Variants in OR8K1 observed in about 807,000 individuals in gnomAD.
OR8K1 encodes the protein olfactory receptor family 8 subfamily K member 1.
For synonymous variants in OR8K1, 157 were observed against 139.4 expected (o/e 1.13, Z -0.89); for missense variants, 417 against 374.0 (o/e 1.11, Z -0.95).
chr11:56,346,508 A>G lies in OR8K1; in HGVS notation c.470A>G (p.Tyr157Cys), dbSNP rs1221152577. 2 of 1,614,096 alleles carry G rather than the reference A, an allele frequency of 1.2e-6. No individual in the cohort carries two copies. The highest frequency in any genetic ancestry group is 2.2e-5 in the East Asian group (1 of 44,882). ...LWVLVIVPYL[Y>C]STFVSLFLTI... is the part of the protein sequence containing the mutation. ...GTGCTGGTAATTGTTCCCTATCTCT[A>G]TAGCACGTTTGTGTCACTATTTCTC... Residue 157 changes from tyrosine (Y) to cysteine (C), a missense_variant, in exon 1 of 1, where the codon TAT becomes TGT. By Grantham distance (194) the Tyr-to-Cys change is radical. Transcript: ENST00000279783.
In OR8K1 at chr11:56,346,916, C is replaced by T. The variant is rs779729785; in HGVS notation, c.878C>T (p.Pro293Leu). 13 of 1,612,868 alleles carry T rather than the reference C, an allele frequency of 8.1e-6. No homozygotes were observed. The South Asian group carries it at 1.3e-4, about 16-fold the overall frequency. Reference protein sequence around the residue: ...FYTLLIPMLNPLIYSLRNKEV... With the variant: ...FYTLLIPMLNLLIYSLRNKEV... ...ACCCTGTTGATTCCTATGCTGAATCCGTTGATCTACAGCCTAAGGAACAAA... is the reference window on the plus strand; with the variant it reads ...ACCCTGTTGATTCCTATGCTGAATCTGTTGATCTACAGCCTAAGGAACAAA... The change falls in exon 1 of 1, where the codon CCG becomes CTG. Residue 293 changes from proline to leucine, a missense_variant. By Grantham distance (98) the Pro-to-Leu change is moderately conservative. Coordinates refer to ENST00000279783, the MANE Select transcript of OR8K1 (RefSeq NM_001002907.1).
Position 56,346,444 on chromosome 11 carries a change from C to G in OR8K1, c.406C>G (p.Leu136Val), listed in dbSNP as rs1478482061. ...TCGCTACGTAGCCATCTGTAAACCT[C>G]TTCTGTACGTGATCATCATGGCAGA... ...YDRYVAICKP[L>V]LYVIIMAEKV... The change falls in exon 1 of 1, where the codon CTT becomes GTT. Residue 136 changes from leucine (L) to valine (V), a missense_variant. Coordinates refer to ENST00000279783, the MANE Select transcript of OR8K1 (RefSeq NM_001002907.1). The G allele has an allele frequency of 3.7e-6, 6 of 1,613,956 alleles. No homozygotes were observed. The South Asian group carries it at 4.4e-5, about 12-fold the overall frequency.
chr11:56,346,157 T>C lies in OR8K1; in HGVS notation c.119T>C (p.Ile40Thr), dbSNP rs1469456656. 18 of 1,613,976 alleles carry C rather than the reference T, an allele frequency of 1.1e-5. No homozygotes were observed. The highest frequency in any genetic ancestry group is 1.4e-5 in the Non-Finnish European group (16 of 1,180,006). ...QAPLFGLFLI[I>T]YLVTVIGNLG... is the part of the protein sequence containing the mutation. The stretch of plus-strand genomic sequence containing the variant: ...CCACTGTTTGGACTCTTCCTCATCA[T>C]ATATCTGGTCACAGTGATAGGCAAT... Residue 40 changes from isoleucine to threonine, a missense_variant, in exon 1 of 1, where the codon ATA becomes ACA. Transcript: ENST00000279783.
rs776005776 is a variant in OR8K1, at chr11:56,346,867, G to C, written c.829G>C (p.Asp277His). 7.4e-6 allele frequency: 12 copies of C among 1,613,890 alleles called. No homozygotes were observed. In the Admixed American group the frequency reaches 1.0e-4, roughly 13 times the overall value. The change falls in exon 1 of 1, where the codon GAT becomes CAT. Residue 277 changes from aspartate to histidine, a missense_variant. Coordinates refer to ENST00000279783, the MANE Select transcript of OR8K1 (RefSeq NM_001002907.1). ...QPKSSHTLAI[D>H]KMASVFYTLL... is the part of the protein sequence containing the mutation. ...CAAGTCCAGTCATACTTTGGCTATT[G>C]ATAAAATGGCCTCAGTGTTTTATAC...
In OR8K1 at chr11:56,346,511, G is replaced by A. The variant is rs1245315466; in HGVS notation, c.473G>A (p.Ser158Asn). Reference protein sequence around the residue: ...WVLVIVPYLYSTFVSLFLTIK... With the variant: ...WVLVIVPYLYNTFVSLFLTIK... Reference sequence around the variant, plus strand: ...CTGGTAATTGTTCCCTATCTCTATAGCACGTTTGTGTCACTATTTCTCACA... The same window carrying A: ...CTGGTAATTGTTCCCTATCTCTATAACACGTTTGTGTCACTATTTCTCACA... Residue 158 changes from serine (S) to asparagine (N), a missense_variant, in exon 1 of 1, where the codon AGC (serine) becomes AAC (asparagine). By Grantham distance (46) the Ser-to-Asn change is conservative (BLOSUM62 1). Transcript: ENST00000279783. 2 of 1,614,012 alleles carry A rather than the reference G, an allele frequency of 1.2e-6. No individual in the cohort carries two copies. The highest frequency in any genetic ancestry group is 2.2e-5 in the South Asian group (2 of 91,076).
chr11:56,346,489 G>A lies in OR8K1; in HGVS notation c.451G>A (p.Val151Ile), dbSNP rs1342184792. 6.2e-7 allele frequency: 1 copy of A among 1,613,980 alleles called. No individual in the cohort carries two copies. The highest frequency in any genetic ancestry group is 1.7e-5 in the Admixed American group (1 of 59,994). ...IMAEKVLWVL[V>I]IVPYLYSTFV... ...GGCAGAGAAAGTACTTTGGGTGCTG[G>A]TAATTGTTCCCTATCTCTATAGCAC... Residue 151 changes from valine to isoleucine, a missense_variant, in exon 1 of 1, where the codon GTA (valine) becomes ATA (isoleucine). By Grantham distance (29) the Val-to-Ile change is conservative. Transcript: ENST00000279783.
Position 56,346,895 on chromosome 11 carries a change from T to C in OR8K1, c.857T>C (p.Leu286Pro), listed in dbSNP as rs1390454166. 1 of 1,613,946 alleles carries C rather than the reference T, an allele frequency of 6.2e-7. No individual in the cohort carries two copies. The highest frequency in any genetic ancestry group is 8.5e-7 in the Non-Finnish European group (1 of 1,179,906). ...IDKMASVFYT[L>P]LIPMLNPLIY... is the part of the protein sequence containing the mutation. ...AAAATGGCCTCAGTGTTTTATACCC[T>C]GTTGATTCCTATGCTGAATCCGTTG... Residue 286 changes from leucine (L) to proline (P), a missense_variant, in exon 1 of 1, where the codon CTG (leucine) becomes CCG (proline). Physicochemically the swap from Leu to Pro is moderately conservative, Grantham distance 98. Coordinates refer to ENST00000279783, the MANE Select transcript of OR8K1 (RefSeq NM_001002907.1).
In OR8K1 at chr11:56,346,426, G is replaced by A. The variant is rs1405594221; in HGVS notation, c.388G>A (p.Val130Ile). Residue 130 changes from valine to isoleucine, a missense_variant, in exon 1 of 1, where the codon GTA becomes ATA. Coordinates refer to ENST00000279783, the MANE Select transcript of OR8K1 (RefSeq NM_001002907.1). ...ILSAMAYDRYVAICKPLLYVI... is the reference protein window; with the variant it reads ...ILSAMAYDRYIAICKPLLYVI... ...ATCAGCAATGGCCTATGATCGCTAC[G>A]TAGCCATCTGTAAACCTCTTCTGTA... The A allele has an allele frequency of 5.6e-6, 9 of 1,613,834 alleles. No individual in the cohort carries two copies. The highest frequency in any genetic ancestry group is 2.2e-5 in the East Asian group (1 of 44,888).
chr11:56,346,811 A>C lies in OR8K1; in HGVS notation c.773A>C (p.Tyr258Ser), dbSNP rs189612466. The stretch of plus-strand genomic sequence containing the variant: ...CATCTGACAGTGGTGATCATGTTCT[A>C]TGGGACATTGTTATTTATTTACTTG... The part of the protein sequence containing the change: ...SSHLTVVIMF[Y>S]GTLLFIYLQP... Residue 258 changes from tyrosine (Y) to serine (S), a missense_variant, in exon 1 of 1, where the codon TAT (tyrosine) becomes TCT (serine). Transcript: ENST00000279783. 1 of 1,613,794 alleles carries C rather than the reference A, an allele frequency of 6.2e-7. No individual in the cohort carries two copies. Among genetic ancestry groups the C allele is most frequent in the Non-Finnish European group, 8.5e-7 (1 of 1,179,874 alleles).
chr11:56,346,577 T>G lies in OR8K1; in HGVS notation c.539T>G (p.Ile180Ser), dbSNP rs1356127456. The G allele has an allele frequency of 6.2e-7, 1 of 1,613,570 alleles. No homozygotes were observed. The highest frequency in any genetic ancestry group is 1.3e-5 in the African/African-American group (1 of 74,924). ...CTGTCCTTCTGTGGCTCAAACATAATCAGCTATTTTTACTGTGACTGTATC... is the reference window on the plus strand; with the variant it reads ...CTGTCCTTCTGTGGCTCAAACATAAGCAGCTATTTTTACTGTGACTGTATC... ...FKLSFCGSNIISYFYCDCIPL... is the reference protein window; with the variant it reads ...FKLSFCGSNISSYFYCDCIPL... The change falls in exon 1 of 1, where the codon ATC becomes AGC. Residue 180 changes from isoleucine (I) to serine (S), a missense_variant. Transcript: ENST00000279783.
Position 56,346,784 on chromosome 11 carries a change from C to G in OR8K1, c.746C>G (p.Ser249Cys), listed in dbSNP as rs1854842251. The change falls in exon 1 of 1, where the codon TCT becomes TGT. Residue 249 changes from serine (S) to cysteine (C), a missense_variant. By Grantham distance (112) the Ser-to-Cys change is moderately radical. Coordinates refer to ENST00000279783, the MANE Select transcript of OR8K1 (RefSeq NM_001002907.1). ...TACAAAGCCTTCTCCACCTGTAGCT[C>G]TCATCTGACAGTGGTGATCATGTTC... is the stretch of plus-strand genomic sequence containing the variant. ...GRYKAFSTCS[S>C]HLTVVIMFYG... 1.9e-6 allele frequency: 3 copies of G among 1,613,798 alleles called. No individual in the cohort carries two copies. The highest frequency in any genetic ancestry group is 2.5e-6 in the Non-Finnish European group (3 of 1,179,880).
In OR8K1 at chr11:56,346,761, C is replaced by A. The variant is rs147003202; in HGVS notation, c.723C>A (p.Tyr241Ter). ...ILRMNSRKGR[Y>*]KAFSTCSSHL... ...GAATGAACTCAAGGAAAGGGAGGTACAAAGCCTTCTCCACCTGTAGCTCTC... is the reference window on the plus strand; with the variant it reads ...GAATGAACTCAAGGAAAGGGAGGTAAAAAGCCTTCTCCACCTGTAGCTCTC... Residue 241 changes from tyrosine (Y) to a stop codon, truncating the protein, a stop_gained, in exon 1 of 1, where the codon TAC (tyrosine) becomes TAA (stop). Coordinates refer to ENST00000279783, the MANE Select transcript of OR8K1 (RefSeq NM_001002907.1). LOFTEE classifies it low-confidence loss of function (END_TRUNC). 1.2e-6 allele frequency: 2 copies of A among 1,613,972 alleles called. No individual in the cohort carries two copies. The highest frequency in any genetic ancestry group is 1.3e-5 in the African/African-American group (1 of 75,030).
At position 56,346,519 on chromosome 11, in the gene OR8K1, G is replaced by T. The variant is rs752233819; in HGVS notation, c.481G>T (p.Val161Leu). The T allele has an allele frequency of 3.1e-6, 5 of 1,614,074 alleles. No homozygotes were observed. Among genetic ancestry groups the T allele is most frequent in the Non-Finnish European group, 4.2e-6 (5 of 1,180,018 alleles). The change falls in exon 1 of 1, where the codon GTG becomes TTG. Residue 161 changes from valine to leucine, a missense_variant. Transcript: ENST00000279783. Reference protein sequence around the residue: ...VIVPYLYSTFVSLFLTIKLFK... With the variant: ...VIVPYLYSTFLSLFLTIKLFK... Reference sequence around the variant, plus strand: ...TGTTCCCTATCTCTATAGCACGTTTGTGTCACTATTTCTCACAATTAAGTT... The same window carrying T: ...TGTTCCCTATCTCTATAGCACGTTTTTGTCACTATTTCTCACAATTAAGTT...
In OR8K1 at chr11:56,346,998, A is replaced by G. The variant is rs1352783286; in HGVS notation, c.960A>G (p.Ter320=). The G allele has an allele frequency of 1.3e-6, 2 of 1,580,034 alleles. No individual in the cohort carries two copies. Among genetic ancestry groups the G allele is most frequent in the Non-Finnish European group, 8.6e-7 (1 of 1,162,536 alleles). Residue 320 remains the stop codon, a stop_retained_variant, in exon 1 of 1, where the codon TAA becomes TAG. Transcript: ENST00000279783. The part of the protein sequence containing the change: ...TLTNRFKIPI[*] ...CCAATCGATTCAAAATTCCCATTTA[A>G]TATCTTAATACTCAGTTGCATAGTT...
chr11:56,346,743 C>A lies in OR8K1; in HGVS notation c.705C>A (p.Asn235Lys), dbSNP rs571274689. 6.2e-7 allele frequency: 1 copy of A among 1,613,954 alleles called. No individual in the cohort carries two copies. The highest frequency in any genetic ancestry group is 1.1e-5 in the South Asian group (1 of 91,080). The change falls in exon 1 of 1, where the codon AAC (asparagine) becomes AAA (lysine). Residue 235 changes from asparagine to lysine, a missense_variant. Transcript: ENST00000279783. ...TTCTAGTGGCCATTCTCAGAATGAA[C>A]TCAAGGAAAGGGAGGTACAAAGCCT... ...MFILVAILRM[N>K]SRKGRYKAFS...
Position 56,346,188 on chromosome 11 carries a change from C to T in OR8K1, c.150C>T (p.Gly50=), listed in dbSNP as rs1276923144. Residue 50 remains glycine (G), a synonymous_variant, in exon 1 of 1, where the codon GGC becomes GGT. Transcript: ENST00000279783. ...IYLVTVIGNL[G]MVILTYLDSK... Reference sequence around the variant, plus strand: ...TGGTCACAGTGATAGGCAATCTGGGCATGGTTATCTTGACCTACTTGGACT... The same window carrying T: ...TGGTCACAGTGATAGGCAATCTGGGTATGGTTATCTTGACCTACTTGGACT... 2 of 1,613,998 alleles carry T rather than the reference C, an allele frequency of 1.2e-6. No individual in the cohort carries two copies.
In OR8K1 at chr11:56,346,485, G is replaced by A; in HGVS notation, c.447G>A (p.Val149=). 1 of 1,614,052 alleles carries A rather than the reference G, an allele frequency of 6.2e-7. No homozygotes were observed. The highest frequency in any genetic ancestry group is 8.5e-7 in the Non-Finnish European group (1 of 1,180,002). ...VIIMAEKVLW[V]LVIVPYLYST... ...TCATGGCAGAGAAAGTACTTTGGGTGCTGGTAATTGTTCCCTATCTCTATA... is the reference window on the plus strand; with the variant it reads ...TCATGGCAGAGAAAGTACTTTGGGTACTGGTAATTGTTCCCTATCTCTATA... The change falls in exon 1 of 1, where the codon GTG becomes GTA. Residue 149 remains valine, a synonymous_variant. Transcript: ENST00000279783.
In OR8K1 at chr11:56,346,112, A is replaced by G. The variant is rs1169570930; in HGVS notation, c.74A>G (p.Asp25Gly). Reference sequence around the variant, plus strand: ...GAATTTATTCTCATGGGGATTACAGACAACCCTGGGCTGCAGGCTCCACTG... The same window carrying G: ...GAATTTATTCTCATGGGGATTACAGGCAACCCTGGGCTGCAGGCTCCACTG... ...VTEFILMGITDNPGLQAPLFG... is the reference protein window; with the variant it reads ...VTEFILMGITGNPGLQAPLFG... Residue 25 changes from aspartate to glycine, a missense_variant, in exon 1 of 1, where the codon GAC becomes GGC. Coordinates refer to ENST00000279783, the MANE Select transcript of OR8K1 (RefSeq NM_001002907.1). 1.1e-5 allele frequency: 18 copies of G among 1,613,742 alleles called. No individual in the cohort carries two copies. The highest frequency in any genetic ancestry group is 1.4e-5 in the Non-Finnish European group (17 of 1,179,840).
In OR8K1 at chr11:56,346,548, T is replaced by C; in HGVS notation, c.510T>C (p.Phe170=). 3 of 1,614,028 alleles carry C rather than the reference T, an allele frequency of 1.9e-6. No homozygotes were observed. The highest frequency in any genetic ancestry group is 2.5e-6 in the Non-Finnish European group (3 of 1,179,936). The change falls in exon 1 of 1, where the codon TTT becomes TTC. Residue 170 remains phenylalanine (F), a synonymous_variant. Coordinates refer to ENST00000279783, the MANE Select transcript of OR8K1 (RefSeq NM_001002907.1). ...FVSLFLTIKL[F]KLSFCGSNII... is the part of the protein sequence containing the mutation. ...CACTATTTCTCACAATTAAGTTATT[T>C]AAACTGTCCTTCTGTGGCTCAAACA... is the stretch of plus-strand genomic sequence containing the variant.
Sources: allele counts gnomAD v4.1 joint callset, GRCh38; gene constraint gnomAD v4.1.1; transcripts MANE v1.5; gene names NCBI Gene and HGNC (gene_info 2026-07-23, HGNC 2026-07-21).